Variants in C2CD3 observed in about 807,000 individuals in gnomAD.
C2CD3 encodes C2 domain-containing protein 3.
Under a neutral mutation model 234.0 loss-of-function variants are expected in C2CD3, and 148 were observed. The observed-to-expected ratio is 0.63, with a 90% CI of 0.55 to 0.72. The LOEUF is 0.72. C2CD3 is among the 30% of genes least tolerant of loss of function. The pLI is 0.00. For missense variants in C2CD3, 2,577 were observed against 2,811.5 expected (o/e 0.92, Z 1.89); for synonymous variants, 1,000 against 1,035.4 (o/e 0.97, Z 0.66).
chr11:74,060,999 T>C (rs1954210717), intron 24 of C2CD3, among the ~76,000 whole-genome samples: 1 of 152,142 alleles, frequency 6.6e-6, no homozygotes, highest in African/African-American at 2.4e-5. Context: ...CAGTAGCCCA[T>C]TTGATCAAGT....
intron 5 of C2CD3, among the ~76,000 whole-genome samples, chr11:74,134,799 C>T (rs749031981): frequency 1.3e-5 from 2 of 152,122 alleles, no homozygotes; most frequent in South Asian, 2.1e-4. Flanking sequence ...CAATCAAGTT[C>T]GCTACAGCCT....
At chr11:74,014,221 A>G (rs1312590458) in intron 32 of C2CD3, among the ~76,000 whole-genome samples, 1 of 152,192 alleles carries the variant, frequency 6.6e-6, no homozygotes, top group African/African-American at 2.4e-5. Context: ...AAAGCTATAC[A>G]GGAAAGCCAT....
At chr11:74,057,668 C>A in intron 24 of C2CD3, 124 bp from the exon 25 acceptor site, 1 of 991,582 alleles carries the variant, frequency 1.0e-6, no homozygotes. Context: ...AAGCTATCCC[C>A]CTGTGTCTGA....
intron 24 of C2CD3, chr11:74,070,847 C>G (rs1258143741): frequency 6.6e-6 from 1 of 152,118 alleles, no homozygotes; most frequent in Non-Finnish European, 1.5e-5. Flanking sequence ...CTCATACTAC[C>G]AAGCTTTTGA....
intron 29 of C2CD3, among the ~76,000 whole-genome samples, chr11:74,040,435 T>C (rs1165646387): frequency 6.6e-6 from 1 of 152,196 alleles, no homozygotes; most frequent in African/African-American, 2.4e-5. Context: ...TTTCTGACTT[T>C]GCATTATGAA....
chr11:74,065,843 T>C (rs1410266596), intron 24 of C2CD3, among the ~76,000 whole-genome samples: 3 of 137,630 alleles, frequency 2.2e-5, no homozygotes, highest in Non-Finnish European at 4.5e-5. Context: ...ATGTTTTCAC[T>C]CATAGGTGGG....
chr11:74,098,132 A>C lies in C2CD3; in HGVS notation c.2856T>G (p.Ala952=). 6.2e-7 allele frequency: 1 copy of C among 1,614,090 alleles called. No individual in the cohort carries two copies. The highest frequency in any genetic ancestry group is 8.5e-7 in the Non-Finnish European group (1 of 1,179,978). ...HQNGSLRVFL[A]MGSSNQIMAL... ...CCATTATTTGATTTGAAGAACCCAT[A>C]GCTAAAAAGACTCGAAGACTCCCAT... is the stretch of plus-strand genomic sequence containing the variant. Residue 952 remains alanine (A), a synonymous_variant, in exon 16 of 33, where the codon GCT becomes GCG. Coordinates refer to ENST00000334126, the MANE Select transcript of C2CD3 (RefSeq NM_001286577.2).
In C2CD3 at chr11:74,114,471, A is replaced by G. The variant is rs200786233; in HGVS notation, c.1643T>C (p.Met548Thr). ...THSVRIIIET[M>T]GVPPDSPQMT... ...CTGAGGACTATCTGGAGGAACTCCCATGGTTTCGATGATGATTCTGACTGA... is the reference window on the plus strand; with the variant it reads ...CTGAGGACTATCTGGAGGAACTCCCGTGGTTTCGATGATGATTCTGACTGA... Residue 548 changes from methionine to threonine, a missense_variant, in exon 10 of 33, where the codon ATG (methionine) becomes ACG (threonine). By Grantham distance (81) the Met-to-Thr change is moderately conservative. Coordinates refer to ENST00000334126, the MANE Select transcript of C2CD3 (RefSeq NM_001286577.2). 2 of 1,613,988 alleles carry G rather than the reference A, an allele frequency of 1.2e-6. No homozygotes were observed. The highest frequency in any genetic ancestry group is 1.7e-5 in the Admixed American group (1 of 60,012).
Position 74,170,663 on chromosome 11 carries a change from G to T in C2CD3, c.55+75C>A, listed in dbSNP as rs574186872. 25 of 1,524,070 alleles carry T rather than the reference G, an allele frequency of 1.6e-5. No homozygotes were observed. The East Asian group carries it at 3.8e-4, about 23-fold the overall frequency. The allele number at this position is 1,524,070 out of a possible 1,614,324, so 94.4% of individuals were successfully genotyped here. ...CCCTTTTCTTGTTTATCCAGCGGGG[G>T]TGCGGGTCTCCCTAAAATTCCTTAC... On this transcript the variant is annotated intron_variant, in intron 1 of 32. Transcript: ENST00000334126.
At chr11:74,144,259 C>A (rs760372656) in intron 3 of C2CD3, among the ~76,000 whole-genome samples, 11 of 152,086 alleles carry the variant, frequency 7.2e-5, no homozygotes, top group Non-Finnish European at 1.3e-4. Context: ...AAAAAGGGCT[C>A]AGGGTATATA....
At chr11:74,064,420 G>C (rs1036555971) in intron 24 of C2CD3, among the ~76,000 whole-genome samples, 1 of 152,114 alleles carries the variant, frequency 6.6e-6, no homozygotes, top group South Asian at 2.1e-4. Flanking sequence ...TGAAATAAAA[G>C]AGGACACAAT....
intron 20 of C2CD3, among the ~76,000 whole-genome samples, chr11:74,089,067 G>A (rs116075116): frequency 6.6e-6 from 1 of 152,064 alleles, no homozygotes; most frequent in African/African-American, 2.4e-5. Flanking sequence ...ATTTATACAT[G>A]AGTAAATATG....
rs1957017763 is a variant in C2CD3 at position 74,117,098 on chromosome 11, A to ACG, written c.1520+1129_1520+1130insCG. 4.8e-5 allele frequency among the ~76,000 whole-genome samples: 3 copies of ACG among 63,070 alleles called. 1 individual carries two copies. The highest frequency in any genetic ancestry group is 7.5e-5 in the African/African-American group (1 of 13,376). 41.4% of individuals were successfully genotyped at this position (63,070 alleles called of 152,430 possible). A position where few individuals can be genotyped will look rare whatever the true frequency, so the allele number is the denominator to read the frequency against. ...TGAATATATATATGAATATATATAT[A>ACG]TGAATATATATATATGAATATATAT... On this transcript the variant is annotated intron_variant, in intron 9 of 32. Coordinates refer to ENST00000334126, the MANE Select transcript of C2CD3 (RefSeq NM_001286577.2).
intron 30 of C2CD3, 61 bp downstream of exon 30, chr11:74,037,417 T>C (rs992427674): frequency 8.6e-6 from 11 of 1,281,404 alleles, no homozygotes; most frequent in Non-Finnish European, 1.3e-5. Flanking sequence ...CACATTCAAA[T>C]GCTTTTTGAA....
At chr11:74,151,450 C>T (rs1432717524) in intron 3 of C2CD3, among the ~76,000 whole-genome samples, 1 of 152,034 alleles carries the variant, frequency 6.6e-6, no homozygotes, top group Non-Finnish European at 1.5e-5. Context: ...TCTCAGCCTC[C>T]CTAGTAGCTG....
At chr11:74,068,358 A>G (rs2135453600) in intron 24 of C2CD3, among the ~76,000 whole-genome samples, 2 of 152,372 alleles carry the variant, frequency 1.3e-5, no homozygotes, top group South Asian at 4.1e-4. Context: ...CACATATTGT[A>G]TAATAATCTG....
chr11:74,074,612 T>C lies in C2CD3; in HGVS notation c.4604-12A>G, dbSNP rs1235592488. Reference sequence around the variant, plus strand: ...CAGAGGATACACACCTAAAAGAAGATGGAGAAGAATAAGGCTAGTCAAGCA... The same window carrying C: ...CAGAGGATACACACCTAAAAGAAGACGGAGAAGAATAAGGCTAGTCAAGCA... On this transcript the variant is annotated splice_polypyrimidine_tract_variant and intron_variant, in intron 23 of 32. Coordinates refer to ENST00000334126, the MANE Select transcript of C2CD3 (RefSeq NM_001286577.2). 2.5e-6 allele frequency: 4 copies of C among 1,595,932 alleles called. No homozygotes were observed. Among genetic ancestry groups the C allele is most frequent in the Non-Finnish European group, 3.4e-6 (4 of 1,169,628 alleles).
At chr11:74,150,140 G>C (rs1175883540) in intron 3 of C2CD3, among the ~76,000 whole-genome samples, 1 of 149,002 alleles carries the variant, frequency 6.7e-6, no homozygotes, top group Non-Finnish European at 1.5e-5. Flanking sequence ...GTACTTAATG[G>C]ACACTTTCCT....
chr11:74,157,070 T>C (rs967667222), intron 3 of C2CD3, among the ~76,000 whole-genome samples: 4 of 152,238 alleles, frequency 2.6e-5, no homozygotes, highest in Admixed American at 2.0e-4. Flanking sequence ...TATGCACATA[T>C]GCAAATTTGA....
Sources: gnomAD v4.1 joint callset for allele counts (sites outside exome capture counted in the v4.1 genomes callset) on GRCh38, gnomAD v4.1.1 for gene constraint, MANE v1.5 for transcripts, NCBI Gene and HGNC (gene_info 2026-07-23, HGNC 2026-07-21) for gene names.